Variants in PLEC observed in about 807,000 individuals in gnomAD.
PLEC encodes plectin.
PLEC carries 216 observed loss-of-function variants against 392.8 expected under a neutral mutation model. That is an observed-to-expected ratio of 0.55 (90% CI 0.49 to 0.62). PLEC has a LOEUF of 0.62. Among genes scored for constraint, PLEC ranks in the 20% least tolerant of loss-of-function variants. PLEC has a pLI of 0.00. For missense variants in PLEC, 6,863 were observed against 6,563.4 expected (o/e 1.05, Z -1.58); for synonymous variants, 3,621 against 2,980.6 (o/e 1.21, Z -7.00).
At position 143,923,411 on chromosome 8, in the gene PLEC, A is replaced by T. The variant is rs782105374; in HGVS notation, c.6518T>A (p.Phe2173Tyr). 1.2e-6 allele frequency: 2 copies of T among 1,610,720 alleles called. No individual in the cohort carries two copies. Among genetic ancestry groups the T allele is most frequent in the Admixed American group, 3.3e-5 (2 of 59,974 alleles). The change falls in exon 31 of 32, where the codon TTC (phenylalanine) becomes TAC (tyrosine). Residue 2173 changes from phenylalanine (F) to tyrosine (Y), a missense_variant. By Grantham distance (22) the Phe-to-Tyr change is conservative (BLOSUM62 3). Coordinates refer to ENST00000345136, the MANE Select transcript of PLEC (RefSeq NM_201384.3). ...CTTCTGCCGCAGCGTCTGCTCGGCG[A>T]ATTTCTTATGCTTCTCCATCTCCGC... ...ADAEMEKHKK[F>Y]AEQTLRQKAQ...
chr8:143,943,652 G>A (rs1158007727), upstream of PLEC: 9 of 888,374 alleles, frequency 1.0e-5, no homozygotes, highest in African/African-American at 1.7e-5. Context: ...GGGGTGGAGG[G>A]GCAACACTGC....
Position 143,939,563 on chromosome 8 carries a change from G to A in PLEC, c.-102C>T. On this transcript the variant is annotated 5_prime_UTR_variant, in exon 1 of 32. Coordinates refer to ENST00000345136, the MANE Select transcript of PLEC (RefSeq NM_201384.3). ...CAGCTGAAGGCTGGCGGCCCCACGA[G>A]ACGCTCACTCGGCACAGGCTCAGCT... is the stretch of plus-strand genomic sequence containing the variant. 1.3e-6 allele frequency: 2 copies of A among 1,529,788 alleles called. No homozygotes were observed. The highest frequency in any genetic ancestry group is 2.4e-5 in the South Asian group (2 of 83,076). 94.8% of individuals were successfully genotyped at this position (1,529,788 alleles called of 1,614,324 possible). A position where few individuals can be genotyped will look rare whatever the true frequency, so the allele number is the denominator to read the frequency against.
rs115016673 is a variant in PLEC, at chr8:143,949,516, C to T, written c.523+668G>A. 6.7e-3 allele frequency among the ~76,000 whole-genome samples: 1,021 copies of T among 152,284 alleles called. 20 individuals carry two copies. Among genetic ancestry groups the T allele is most frequent in the African/African-American group, 0.024 (983 of 41,558 alleles). On this transcript the variant is annotated intron_variant, in intron 1 of 31. Coordinates refer to the PLEC transcript ENST00000322810. ...ATGACAGGACCCGTCCTGTCCTGTG[C>T]GACCTGGTTCGTACCGGGAAAGGCC...
chr8:143,969,222 C>T lies in PLEC; in HGVS notation c.70+4181G>A, dbSNP rs895898956. 1.3e-5 allele frequency among the ~76,000 whole-genome samples: 2 copies of T among 152,220 alleles called. No individual in the cohort carries two copies. Among genetic ancestry groups the T allele is most frequent in the South Asian group, 4.1e-4 (2 of 4,832 alleles). On this transcript the variant is annotated intron_variant, in intron 1 of 31. Transcript: ENST00000356346. This position sits in a 1 kb window ranked among gnomAD's most constrained non-coding sequence, Gnocchi z 5.1. The stretch of plus-strand genomic sequence containing the variant: ...GGCGCGGCGATGTGAGCAGCCCTGA[C>T]AGCGTCCCGGCAAGTCGAAGAGGCC...
chr8:143,920,401 C>T lies in PLEC; in HGVS notation c.9420G>A (p.Thr3140=), dbSNP rs782338798. ...GLRLLDAQLS[T]GGIVDPSKSH... ...TCTTGCTGGGGTCCACGATGCCGCC[C>T]GTGGACAGCTGGGCGTCCAACAGGC... is the stretch of plus-strand genomic sequence containing the variant. Residue 3140 remains threonine (T), a synonymous_variant, in exon 32 of 32, where the codon ACG becomes ACA. Coordinates refer to ENST00000345136, the MANE Select transcript of PLEC (RefSeq NM_201384.3). The T allele has an allele frequency of 3.1e-5, 50 of 1,592,648 alleles. No individual in the cohort carries two copies. The highest frequency in any genetic ancestry group is 1.5e-4 in the African/African-American group (11 of 74,462).
At position 143,929,924 on chromosome 8, in the gene PLEC, G is replaced by T. The variant is rs781939756; in HGVS notation, c.2739+12C>A. 4 of 1,608,402 alleles carry T rather than the reference G, an allele frequency of 2.5e-6. No individual in the cohort carries two copies. The East Asian group carries it at 8.9e-5, about 36-fold the overall frequency. ...CCCACCCAGAGAGCCCCCGGCTCGG[G>T]GGCAGGCGTACCGTGGCCAGGGACC... On this transcript the variant is annotated intron_variant, in intron 22 of 31. Coordinates refer to ENST00000345136, the MANE Select transcript of PLEC (RefSeq NM_201384.3).
Position 143,918,444 on chromosome 8 carries a change from T to A in PLEC, c.11377A>T (p.Thr3793Ser). The change falls in exon 32 of 32, where the codon ACT becomes TCT. Residue 3793 changes from threonine (T) to serine (S), a missense_variant. Coordinates refer to ENST00000345136, the MANE Select transcript of PLEC (RefSeq NM_201384.3). ...FQAMKKELIPTEEALRLLDAQ... is the reference protein window; with the variant it reads ...FQAMKKELIPSEEALRLLDAQ... ...TCCAGCAGCCGCAGGGCCTCCTCAG[T>A]AGGGATCAGCTCCTTCTTCATGGCC... 1.9e-6 allele frequency: 3 copies of A among 1,584,668 alleles called. No individual in the cohort carries two copies. Among genetic ancestry groups the A allele is most frequent in the Non-Finnish European group, 2.6e-6 (3 of 1,167,724 alleles).
Position 143,918,456 on chromosome 8 carries a change from CCTT to C in PLEC, c.11362_11364del (p.Lys3788del), listed in dbSNP as rs1204991174. On this transcript the variant is annotated inframe_deletion, in exon 32 of 32. Coordinates refer to ENST00000345136, the MANE Select transcript of PLEC (RefSeq NM_201384.3). Reference sequence around the variant, plus strand: ...AGGGCCTCCTCAGTAGGGATCAGCTCCTTCTTCATGGCCTGGAAGAGCGAGATG... The same window carrying C: ...AGGGCCTCCTCAGTAGGGATCAGCTCCTTCATGGCCTGGAAGAGCGAGATG... 1.3e-6 allele frequency: 2 copies of C among 1,589,880 alleles called. No individual in the cohort carries two copies. The highest frequency in any genetic ancestry group is 1.7e-6 in the Non-Finnish European group (2 of 1,169,964).
chr8:143,922,021 G>T lies in PLEC; in HGVS notation c.7800C>A (p.Leu2600=), dbSNP rs782643493. 6.3e-7 allele frequency: 1 copy of T among 1,597,522 alleles called. No homozygotes were observed. The highest frequency in any genetic ancestry group is 8.5e-7 in the Non-Finnish European group (1 of 1,179,472). Residue 2600 remains leucine, a synonymous_variant, in exon 32 of 32, where the codon CTC becomes CTA. Transcript: ENST00000345136. The stretch of plus-strand genomic sequence containing the variant: ...GCGCGGCCCGGTGCTGCTCCTCCAG[G>T]AGCTGCAGCTGCTCACGCAGCCTCT... ...ENQRLREQLQ[L]LEEQHRAALA... is the part of the protein sequence containing the mutation.
chr8:143,946,458 A>T, intron 1 of PLEC: 3 of 1,212,842 alleles, frequency 2.5e-6, no homozygotes, highest in South Asian at 1.3e-5. Flanking sequence ...GAAGGAGGGA[A>T]GGGGTGGGAG....
At position 143,934,635 on chromosome 8, in the gene PLEC, C is replaced by G; in HGVS notation, c.1041G>C (p.Glu347Asp). 6.2e-7 allele frequency: 1 copy of G among 1,613,014 alleles called. No homozygotes were observed. Residue 347 changes from glutamate to aspartate, a missense_variant and splice_region_variant, in exon 10 of 32, where the codon GAG (glutamate) becomes GAC (aspartate). Transcript: ENST00000345136. ...NRSKGIYQSLEGAVQAGQLKV... is the reference protein window; with the variant it reads ...NRSKGIYQSLDGAVQAGQLKV... ...CCACCCCTCCAGCGGTCCCACTCAC[C>G]TCCAGGGATTGGTAGATGCCCTTGG...
At position 143,969,461 on chromosome 8, in the gene PLEC, G is replaced by T. The variant is rs1554743473; in HGVS notation, c.70+3942C>A. Among the ~76,000 whole-genome samples, 1 of 152,222 alleles carries T rather than the reference G, an allele frequency of 6.6e-6. No individual in the cohort carries two copies. The highest frequency in any genetic ancestry group is 2.4e-5 in the African/African-American group (1 of 41,450). On this transcript the variant is annotated intron_variant, in intron 1 of 31. Transcript: ENST00000356346. The surrounding 1 kb of genome is among the most constrained non-coding windows in gnomAD (Gnocchi z 5.1). ...TAGACAGTCGGCCCAGCTGCCAAGA[G>T]GTGTCCAGTCGCCCAGCCCCCCAAG...
chr8:143,920,271 G>T lies in PLEC; in HGVS notation c.9550C>A (p.Pro3184Thr). The T allele has an allele frequency of 6.3e-7, 1 of 1,596,060 alleles. No homozygotes were observed. The highest frequency in any genetic ancestry group is 1.3e-5 in the African/African-American group (1 of 74,894). Residue 3184 changes from proline (P) to threonine (T), a missense_variant, in exon 32 of 32, where the codon CCC (proline) becomes ACC (threonine). Transcript: ENST00000345136. ...PRADAKAYSD[P>T]STGEPATYGE... ...TAGGTGGCCGGCTCCCCTGTGCTGG[G>T]GTCACTGTAGGCCTTGGCGTCGGCC...
Position 143,927,547 on chromosome 8 carries a change from G to A in PLEC, c.3619C>T (p.Arg1207Cys), listed in dbSNP as rs782816670. 27 of 1,595,964 alleles carry A rather than the reference G, an allele frequency of 1.7e-5. No individual in the cohort carries two copies. The highest frequency in any genetic ancestry group is 1.3e-4 in the East Asian group (6 of 44,694). The change falls in exon 27 of 32, where the codon CGC becomes TGC. Residue 1207 changes from arginine (R) to cysteine (C), a missense_variant. Transcript: ENST00000345136. ...VRQRELEQLGRQLRYYRESAD... is the reference protein window; with the variant it reads ...VRQRELEQLGCQLRYYRESAD... ...CTCTCGCGGTAGTAACGCAGCTGGC[G>A]GCCCAGTTGCTCGAGCTCGCGCTGC... is the stretch of plus-strand genomic sequence containing the variant.
chr8:143,941,685 C>T (rs1273054837), upstream of PLEC, among the ~76,000 whole-genome samples: 7 of 5,962 alleles, frequency 1.2e-3, no homozygotes, highest in Non-Finnish European at 2.5e-3. Flanking sequence ...CAGCCTGCCC[C>T]GCCCCATCCA....
chr8:143,975,170 C>G, upstream of PLEC: 1 of 1,598,336 alleles, frequency 6.3e-7, no homozygotes, highest in Non-Finnish European at 8.5e-7. This position sits in a 1 kb window ranked among gnomAD's most constrained non-coding sequence, Gnocchi z 9.9. Flanking sequence ...AGGCCCTGCG[C>G]AGTTACCTGC....
At chr8:143,928,734 G>A (rs1043208696) in intron 25 of PLEC, among the ~76,000 whole-genome samples, 1 of 152,164 alleles carries the variant, frequency 6.6e-6, no homozygotes, top group Non-Finnish European at 1.5e-5. Flanking sequence ...AAATGCCAGA[G>A]GCCCTTAAGT....
rs974523541 is a variant in PLEC, at chr8:143,969,517, C to A, written c.70+3886G>T. On this transcript the variant is annotated intron_variant, in intron 1 of 31. Transcript: ENST00000356346. This position sits in a 1 kb window ranked among gnomAD's most constrained non-coding sequence, Gnocchi z 5.1. ...CCTGTGACAGCTCATAGAGGCTGGGCCGTCCTGCCACACCATGGGAGCCTG... is the reference window on the plus strand; with the variant it reads ...CCTGTGACAGCTCATAGAGGCTGGGACGTCCTGCCACACCATGGGAGCCTG... Among the ~76,000 whole-genome samples, 7 of 152,166 alleles carry A rather than the reference C, an allele frequency of 4.6e-5. No homozygotes were observed. The highest frequency in any genetic ancestry group is 7.3e-5 in the Non-Finnish European group (5 of 68,030).
In PLEC at chr8:143,917,680, G is replaced by A. The variant is rs782237359; in HGVS notation, c.12141C>T (p.Ile4047=). The A allele has an allele frequency of 2.7e-5, 44 of 1,613,486 alleles. No individual in the cohort carries two copies. The Admixed American group carries it at 4.5e-4, about 16-fold the overall frequency. Residue 4047 remains isoleucine (I), a synonymous_variant, in exon 32 of 32, where the codon ATC becomes ATT. Coordinates refer to ENST00000345136, the MANE Select transcript of PLEC (RefSeq NM_201384.3). ...DHGIRLLEAQ[I]ATGGIIDPEE... Reference sequence around the variant, plus strand: ...CAGGGTCGATGATGCCGCCCGTGGCGATCTGGGCCTCCAGCAGGCGGATGC... The same window carrying A: ...CAGGGTCGATGATGCCGCCCGTGGCAATCTGGGCCTCCAGCAGGCGGATGC...
Sources: gnomAD v4.1 joint callset for allele counts (sites outside exome capture counted in the v4.1 genomes callset) on GRCh38, gnomAD v4.1.1 for gene constraint, Gnocchi (gnomAD v3.1) non-coding constraint, MANE v1.5 for transcripts, NCBI Gene and HGNC (gene_info 2026-07-23, HGNC 2026-07-21) for gene names.